DNM2: variants seen among roughly 807,000 people sequenced by gnomAD.
The protein encoded by DNM2 is dynamin 2, also known as dynamin-2.
A neutral mutation model predicts 99.0 loss-of-function variants in DNM2; 15 were observed. The ratio of observed to expected loss-of-function variants is 0.15; its 90% CI spans 0.10 to 0.23. The LOEUF (loss-of-function observed/expected upper bound fraction) is 0.23, where lower values mean the gene tolerates loss of function less well. Ranked by LOEUF, DNM2 falls within the 10% of genes least tolerant of loss-of-function variation. DNM2 has a pLI of 1.00. For missense variants in DNM2, 742 were observed against 1,189.4 expected, an observed-to-expected ratio of 0.62 and a Z score of 5.53; for synonymous variants, 525 against 481.2, an observed-to-expected ratio of 1.09 and a Z score of -1.19.
At chr19:10,808,408 A>G (rs899631238) in intron 13 of DNM2, 161 bp from the exon 14 acceptor site, 1 of 632,450 alleles carries the variant, frequency 1.6e-6, no homozygotes, top group Non-Finnish European at 2.7e-6. Flanking sequence ...GATTAATAGC[A>G]TGTAATTTTT....
intron 1 of DNM2, among the ~76,000 whole-genome samples, chr19:10,725,318 T>TGCCTTTA (rs976978186): frequency 8.6e-5 from 13 of 151,918 alleles, no homozygotes; most frequent in Non-Finnish European, 1.5e-4. Flanking sequence ...TGGTGGCGCA[T>TGCCTTTA]GCCTTTAGTC....
At position 10,808,731 on chromosome 19, in the gene DNM2, C is replaced by G. The variant is rs970102218; in HGVS notation, c.1557+151C>G. On this transcript the variant is annotated intron_variant, in intron 14 of 20. Coordinates refer to ENST00000389253, the MANE Select transcript of DNM2 (RefSeq NM_001005361.3). ...CCTGGAAACCCCATGCCGCAGCCGG[C>G]GCTGGACTGCACGTTGCCCTGGGTA... The G allele has an allele frequency of 1.1e-5, 10 of 924,022 alleles. No individual in the cohort carries two copies. The African/African-American group carries it at 1.7e-4, about 15-fold the overall frequency. The allele number at this position is 924,022 out of a possible 1,614,324, so 57.2% of individuals were successfully genotyped here.
intron 7 of DNM2, among the ~76,000 whole-genome samples, chr19:10,788,439 G>T (rs534709725): frequency 2.0e-5 from 3 of 152,272 alleles, no homozygotes; most frequent in African/African-American, 7.2e-5. Flanking sequence ...GCAGGGCCTT[G>T]TGGGGCCTCA....
intron 8 of DNM2, 60 bp downstream of exon 8, chr19:10,793,915 A>G (rs2071839269): frequency 1.2e-6 from 2 of 1,613,086 alleles, no homozygotes; most frequent in Admixed American, 3.3e-5. Flanking sequence ...TGCTGGCCTC[A>G]AGCCAGGCCT....
At chr19:10,724,915 G>A (rs2069062640) in intron 1 of DNM2, among the ~76,000 whole-genome samples, 2 of 152,028 alleles carry the variant, frequency 1.3e-5, no homozygotes, top group African/African-American at 2.4e-5. Context: ...CTTTGGTGAT[G>A]TGTCCCTCCA....
intron 8 of DNM2, among the ~76,000 whole-genome samples, chr19:10,794,734 G>T (rs2071874260): frequency 6.6e-6 from 1 of 150,696 alleles, no homozygotes. Context: ...GACAGAGCCA[G>T]ACCCTATCTC....
chr19:10,730,653 A>T (rs1440778730), intron 1 of DNM2, among the ~76,000 whole-genome samples: 1 of 152,060 alleles, frequency 6.6e-6, no homozygotes. Flanking sequence ...GATTTGCTCC[A>T]TCTATATAAA....
intron 13 of DNM2, 26 bp downstream of exon 13, chr19:10,805,993 G>T: frequency 6.2e-7 from 1 of 1,614,056 alleles, no homozygotes; most frequent in Non-Finnish European, 8.5e-7. Flanking sequence ...GCAGTCTCCC[G>T]CTCTACCCTG....
At chr19:10,801,389 G>A (rs542128422) in intron 11 of DNM2, among the ~76,000 whole-genome samples, 1 of 152,084 alleles carries the variant, frequency 6.6e-6, no homozygotes, top group Non-Finnish European at 1.5e-5. Context: ...GGAGGCCAAG[G>A]TAGGAGGATC....
chr19:10,797,585 C>T lies in DNM2; in HGVS notation c.1335+67C>T, dbSNP rs2146034384. ...CCCCCTCCATGTGTTAGTCTCAACC[C>T]GAGCATCTGGAAAATTCAGCCTCGG... On this transcript the variant is annotated intron_variant, in intron 10 of 20. Transcript: ENST00000389253. 40 of 1,611,176 alleles carry T rather than the reference C, an allele frequency of 2.5e-5. 1 individual carries two copies. Among genetic ancestry groups the T allele is most frequent in the East Asian group, 4.5e-5 (2 of 44,800 alleles).
At chr19:10,799,315 A>G (rs901400066) in intron 11 of DNM2, among the ~76,000 whole-genome samples, 1 of 152,230 alleles carries the variant, frequency 6.6e-6, no homozygotes. Flanking sequence ...GACTCCCACA[A>G]CGTAAGGCCC....
At chr19:10,749,587 G>A (rs1487063964) in intron 1 of DNM2, among the ~76,000 whole-genome samples, 4 of 152,232 alleles carry the variant, frequency 2.6e-5, no homozygotes, top group African/African-American at 4.8e-5. Context: ...GCCCAGAGAG[G>A]GGTAGAGACC....
intron 1 of DNM2, among the ~76,000 whole-genome samples, chr19:10,720,358 G>A (rs1439712960): frequency 2.0e-5 from 3 of 151,536 alleles, no homozygotes; most frequent in Non-Finnish European, 2.9e-5. Flanking sequence ...GATTACAGGC[G>A]TCTACCACCA....
chr19:10,779,107 C>T (rs974434599), intron 5 of DNM2, among the ~76,000 whole-genome samples: 44 of 150,416 alleles, frequency 2.9e-4, no homozygotes, highest in Non-Finnish European at 2.7e-4. Context: ...CCCAGCTACT[C>T]GGGAGGCTGA....
At position 10,818,041 on chromosome 19, in the gene DNM2, GC is replaced by G. The variant is rs2072828386; in HGVS notation, c.1672-1934del. 6.6e-6 allele frequency among the ~76,000 whole-genome samples: 1 copy of G among 152,056 alleles called. No individual in the cohort carries two copies. The highest frequency in any genetic ancestry group is 2.4e-5 in the African/African-American group (1 of 41,416). On this transcript the variant is annotated intron_variant, in intron 15 of 20. Coordinates refer to ENST00000389253, the MANE Select transcript of DNM2 (RefSeq NM_001005361.3). This position sits in a 1 kb window ranked among gnomAD's most constrained non-coding sequence, Gnocchi z 4.3. ...GAGCCGGGGGCAGGGCTTCTGCAGAGCCCCCTCCCCTAGCCCCTTCTAAAGC... is the reference window on the plus strand; with the variant it reads ...GAGCCGGGGGCAGGGCTTCTGCAGAGCCCCTCCCCTAGCCCCTTCTAAAGC...
chr19:10,790,471 GT>G (rs1048571842), intron 7 of DNM2, among the ~76,000 whole-genome samples: 2 of 151,710 alleles, frequency 1.3e-5, no homozygotes, highest in African/African-American at 4.8e-5. Context: ...GTATTTGGTG[GT>G]TTTTTTTGTT....
In DNM2 at chr19:10,812,181, T is replaced by G; in HGVS notation, c.1558-83T>G. 8.0e-7 allele frequency: 1 copy of G among 1,247,288 alleles called. No individual in the cohort carries two copies. The highest frequency in any genetic ancestry group is 1.1e-6 in the Non-Finnish European group (1 of 884,636). 77.3% of individuals were successfully genotyped at this position (1,247,288 alleles called of 1,614,324 possible). On this transcript the variant is annotated intron_variant, in intron 14 of 20. Transcript: ENST00000389253. This position sits in a 1 kb window ranked among gnomAD's most constrained non-coding sequence, Gnocchi z 4.0. ...TCTATTGCGGTCCCTGGCTTCCCAC[T>G]GAGCTGTGGGCAAGGCTGCTGCGCT... is the stretch of plus-strand genomic sequence containing the variant.
rs369312570 is a variant in DNM2 at position 10,831,019 on chromosome 19, G to A, written c.2585G>A (p.Arg862His). 6 of 1,610,662 alleles carry A rather than the reference G, an allele frequency of 3.7e-6. No homozygotes were observed. Among genetic ancestry groups the A allele is most frequent in the East Asian group, 2.2e-5 (1 of 44,712 alleles). The part of the protein sequence containing the change: ...PAAPSRPTII[R>H]PAEPSLLD ...GCGCCCAGCCGGCCCACCATTATCCGCCCAGCCGAGCCATCCCTGCTCGAC... is the reference window on the plus strand; with the variant it reads ...GCGCCCAGCCGGCCCACCATTATCCACCCAGCCGAGCCATCCCTGCTCGAC... Residue 862 changes from arginine (R) to histidine (H), a missense_variant, in exon 21 of 21, where the codon CGC becomes CAC. Physicochemically the swap from Arg to His is conservative, Grantham distance 29. This residue lies in a region of DNM2 where 187 missense variants were observed against 218.8 expected (regional missense o/e 0.85). Transcript: ENST00000389253. The surrounding 1 kb of genome is among the most constrained non-coding windows in gnomAD (Gnocchi z 4.3).
Position 10,786,576 on chromosome 19 carries a change from C to G in DNM2, c.862C>G (p.His288Asp). The G allele has an allele frequency of 6.2e-7, 1 of 1,614,178 alleles. No individual in the cohort carries two copies. Among genetic ancestry groups the G allele is most frequent in the South Asian group, 1.1e-5 (1 of 91,090 alleles). Residue 288 changes from histidine (H) to aspartate (D), a missense_variant, in exon 7 of 21, where the codon CAC (histidine) becomes GAC (aspartate). Transcript: ENST00000389253. ...QKTLNQQLTN[H>D]IRESLPALRS... ...CTCTCTCCTGCAGCAACTGACCAAC[C>G]ACATCCGGGAGTCGCTGCCGGCCCT...
Sources: allele counts gnomAD v4.1 joint callset (sites outside exome capture counted in the v4.1 genomes callset), GRCh38; gene constraint gnomAD v4.1.1; regional missense constraint gnomAD v4.1.1; non-coding constraint Gnocchi (gnomAD v3.1); transcripts MANE v1.5; gene names NCBI Gene and HGNC (gene_info 2026-07-23, HGNC 2026-07-21).